ACACA: variants seen among roughly 807,000 people sequenced by gnomAD.
The protein encoded by ACACA is acetyl-CoA carboxylase alpha.
In ACACA, 103 loss-of-function variants were observed where a neutral mutation model predicts 296.1. The observed-to-expected ratio is 0.35, with a 90% CI of 0.30 to 0.41. The LOEUF (loss-of-function observed/expected upper bound fraction) is 0.41, where lower values mean the gene tolerates loss of function less well. Ranked by LOEUF, ACACA falls within the 10% of genes least tolerant of loss-of-function variation. The probability of loss-of-function intolerance (pLI) is 1.00; values close to 1 mark genes in which losing one functional copy is unlikely to be tolerated. For synonymous variants in ACACA, 953 were observed against 1,038.6 expected, an observed-to-expected ratio of 0.92 and a Z score of 1.58; for missense variants, 1,554 against 2,989.7, an observed-to-expected ratio of 0.52 and a Z score of 11.20.
At chr17:37,299,353 G>A (rs1473246169) in intron 3 of ACACA, 2 of 1,613,728 alleles carry the variant, frequency 1.2e-6, no homozygotes, top group East Asian at 2.2e-5. Flanking sequence ...GAAAAGAATG[G>A]AAGCTTTTTC....
chr17:37,406,833 C>T lies in ACACA; in HGVS notation c.-534G>A, dbSNP rs1322753740. 1 of 147,154 alleles carries T rather than the reference C, an allele frequency of 6.8e-6. No individual in the cohort carries two copies. The highest frequency in any genetic ancestry group is 1.5e-5 in the Non-Finnish European group (1 of 66,244). 9.1% of individuals were successfully genotyped at this position (147,154 alleles called of 1,614,324 possible). ...GGCCTCCACGGCCGAGGGGCGGAGG[C>T]GGCGGGCGCGCGGCACGCGGCGCGC... On this transcript the variant is annotated 5_prime_UTR_variant, in exon 1 of 56. Transcript: ENST00000616317.
At chr17:37,102,931 T>G (rs943852164) in intron 52 of ACACA, among the ~76,000 whole-genome samples, 2 of 152,208 alleles carry the variant, frequency 1.3e-5, no homozygotes, top group African/African-American at 4.8e-5. Flanking sequence ...ATTCCTTCAG[T>G]AATGCCTCTG....
intron 3 of ACACA, among the ~76,000 whole-genome samples, chr17:37,319,651 C>A (rs1157532212): frequency 6.6e-6 from 1 of 151,684 alleles, no homozygotes. Context: ...GGTGAGACCC[C>A]ATCTCTACAA....
chr17:37,087,485 G>A (rs2072285537), intron 55 of ACACA, 46 bp from the exon 56 acceptor site: 2 of 1,612,580 alleles, frequency 1.2e-6, no homozygotes, highest in Admixed American at 1.7e-5. Flanking sequence ...AAGCAGAAGT[G>A]TCTAGATGAG....
intron 54 of ACACA, among the ~76,000 whole-genome samples, chr17:37,094,584 C>A (rs973605334): frequency 0.01 from 1,414 of 138,404 alleles, 26 homozygotes; most frequent in Non-Finnish European, 0.016. Flanking sequence ...CCCCCCCCCC[C>A]CACACCAAAC....
intron 1 of ACACA, chr17:37,377,890 A>G (rs1260364941): frequency 6.2e-7 from 1 of 1,612,922 alleles, no homozygotes; most frequent in Non-Finnish European, 8.5e-7. Flanking sequence ...CCTCAGAGAT[A>G]GCAGTTGCCG....
intron 42 of ACACA, among the ~76,000 whole-genome samples, chr17:37,159,404 T>C (rs2076377432): frequency 6.6e-6 from 1 of 152,096 alleles, no homozygotes; most frequent in Non-Finnish European, 1.5e-5. Context: ...TATATTTTAG[T>C]AGAGATGGTA....
rs542572190 is a variant in ACACA, at chr17:37,229,365, G to C, written c.3247-2913C>G. ...GTTCCGCAGGCTGGAGTGCAGTGGCGCAATCTTGGCTCACTGCAAGCTCCG... is the reference window on the plus strand; with the variant it reads ...GTTCCGCAGGCTGGAGTGCAGTGGCCCAATCTTGGCTCACTGCAAGCTCCG... On this transcript the variant is annotated intron_variant, in intron 25 of 55. Transcript: ENST00000616317. 1.4e-3 allele frequency among the ~76,000 whole-genome samples: 219 copies of C among 151,824 alleles called. 1 individual carries two copies. The highest frequency in any genetic ancestry group is 5.0e-3 in the African/African-American group (206 of 41,472).
At position 37,089,000 on chromosome 17, in the gene ACACA, G is replaced by T; in HGVS notation, c.6966C>A (p.His2322Gln). The T allele has an allele frequency of 1.9e-6, 3 of 1,614,028 alleles. No individual in the cohort carries two copies. Among genetic ancestry groups the T allele is most frequent in the Non-Finnish European group, 2.5e-6 (3 of 1,180,048 alleles). ...EKQLTEEDGVHSVIEENIKCI... is the reference protein window; with the variant it reads ...EKQLTEEDGVQSVIEENIKCI... ...ATTTGATGTTTTCCTCTATTACCGA[G>T]TGAACACCATCCTCCTCTGTCAGCT... Residue 2322 changes from histidine (H) to glutamine (Q), a missense_variant, in exon 55 of 56, where the codon CAC becomes CAA. Around this residue, in one of 16 missense-constraint regions of ACACA, gnomAD observed 553 missense variants for 1,043.6 expected, o/e 0.53. Coordinates refer to ENST00000616317, the MANE Select transcript of ACACA (RefSeq NM_198834.3).
intron 41 of ACACA, among the ~76,000 whole-genome samples, chr17:37,174,006 ATATATATATATATATT>A (rs1191729273): frequency 6.5e-4 from 8 of 12,232 alleles, no homozygotes; most frequent in Admixed American, 2.3e-3. Context: ...ATATATATAT[ATATATATATATATATT>A]TTTTTTTTTT....
chr17:37,204,506 G>A (rs2078411307), intron 33 of ACACA, among the ~76,000 whole-genome samples: 1 of 152,128 alleles, frequency 6.6e-6, no homozygotes, highest in African/African-American at 2.4e-5. Context: ...GTGGTAAGAT[G>A]CAAATAAAAA....
At chr17:37,211,998 A>G (rs1487063529) in intron 29 of ACACA, among the ~76,000 whole-genome samples, 1 of 152,170 alleles carries the variant, frequency 6.6e-6, no homozygotes, top group Non-Finnish European at 1.5e-5. Context: ...AGAGGGAGGT[A>G]CAGCTGAACA....
intron 30 of ACACA, among the ~76,000 whole-genome samples, chr17:37,209,819 G>A (rs183288181): frequency 6.6e-6 from 1 of 152,206 alleles, no homozygotes; most frequent in African/African-American, 2.4e-5. Context: ...GCCTTGCTTG[G>A]TTCAAGAGAC....
In ACACA at chr17:37,125,687, A is replaced by G. The variant is rs771916459; in HGVS notation, c.6041+11T>C. 6.2e-7 allele frequency: 1 copy of G among 1,607,368 alleles called. No individual in the cohort carries two copies. The highest frequency in any genetic ancestry group is 1.1e-5 in the South Asian group (1 of 90,806). The stretch of plus-strand genomic sequence containing the variant: ...GAGGAAAAAGAGCTGCCAAAACAAA[A>G]GAGCTCTTACCTGGCTCTACCAACC... On this transcript the variant is annotated intron_variant, in intron 48 of 55. Transcript: ENST00000616317.
intron 6 of ACACA, 84 bp from the exon 7 acceptor site, chr17:37,277,198 T>C (rs1242327256): frequency 1.2e-5 from 16 of 1,281,418 alleles, no homozygotes; most frequent in Non-Finnish European, 1.7e-5. Context: ...AGGCTGGCCC[T>C]GTTTCTTGAG....
chr17:37,193,256 A>AC, intron 36 of ACACA, 118 bp downstream of exon 36: 1 of 774,066 alleles, frequency 1.3e-6, no homozygotes, highest in Non-Finnish European at 2.2e-6. Flanking sequence ...AACAGGAAGC[A>AC]CAAGTTCAAT....
chr17:37,244,031 G>A (rs186535128), intron 21 of ACACA, among the ~76,000 whole-genome samples: 121 of 152,164 alleles, frequency 8.0e-4, no homozygotes, highest in Non-Finnish European at 1.3e-3. Context: ...AAATTGCAAC[G>A]TAAGCATCTA....
Position 37,224,995 on chromosome 17 carries a change from C to A in ACACA, c.3471G>T (p.Leu1157=). The change falls in exon 27 of 56, where the codon CTG becomes CTT. Residue 1157 remains leucine, a synonymous_variant. Coordinates refer to ENST00000616317, the MANE Select transcript of ACACA (RefSeq NM_198834.3). Reference sequence around the variant, plus strand: ...ATATATATATATATATATATACCTGCAGGTTCTCAATGCAAAATTGATGTC... The same window carrying A: ...ATATATATATATATATATATACCTGAAGGTTCTCAATGCAAAATTGATGTC... The part of the protein sequence containing the change: ...MYGHQFCIEN[L]QKLILSETSI... The A allele has an allele frequency of 6.8e-7, 1 of 1,477,398 alleles. No individual in the cohort carries two copies. The highest frequency in any genetic ancestry group is 9.4e-7 in the Non-Finnish European group (1 of 1,059,296). The allele number at this position is 1,477,398 out of a possible 1,614,324, so 91.5% of individuals were successfully genotyped here.
intron 3 of ACACA, among the ~76,000 whole-genome samples, chr17:37,308,598 AT>A (rs2083988435): frequency 6.6e-6 from 1 of 152,186 alleles, no homozygotes; most frequent in African/African-American, 2.4e-5. Flanking sequence ...GAAAATCTGA[AT>A]AATCCTAAAT....
Sources: allele counts gnomAD v4.1 joint callset (sites outside exome capture counted in the v4.1 genomes callset), GRCh38; gene constraint gnomAD v4.1.1; regional missense constraint gnomAD v4.1.1; transcripts MANE v1.5; gene names NCBI Gene and HGNC (gene_info 2026-07-23, HGNC 2026-07-21).